The following LRBA variants were observed in gnomAD, a reference collection of about 807,000 sequenced individuals.
The protein encoded by LRBA is lipopolysaccharide-responsive and beige-like anchor protein.
In LRBA, 176 loss-of-function variants were observed where a neutral mutation model predicts 330.0. That is an observed-to-expected ratio of 0.53 (90% confidence interval 0.47 to 0.60). The LOEUF (loss-of-function observed/expected upper bound fraction) is 0.60. LRBA is among the 20% of genes least tolerant of loss of function. The pLI is 0.00. For synonymous variants in LRBA, 1,230 were observed against 1,193.0 expected, an observed-to-expected ratio of 1.03 and a Z score of -0.64; for missense variants, 3,259 against 3,444.8, an observed-to-expected ratio of 0.95 and a Z score of 1.35.
intron 46 of LRBA, among the ~76,000 whole-genome samples, chr4:150,430,575 T>C (rs534870218): frequency 1.3e-5 from 2 of 152,300 alleles, no homozygotes; most frequent in African/African-American, 2.4e-5. Context: ...AAGGCAAGAA[T>C]TGTGTCATAT....
chr4:150,438,586 C>G (rs1751434923), intron 44 of LRBA, among the ~76,000 whole-genome samples: 1 of 151,970 alleles, frequency 6.6e-6, no homozygotes, highest in African/African-American at 2.4e-5. Context: ...GTTAATCACT[C>G]CTTATTTATA....
chr4:150,270,402 G>C (rs1281070526), intron 56 of LRBA, among the ~76,000 whole-genome samples: 3 of 152,288 alleles, frequency 2.0e-5, no homozygotes, highest in Non-Finnish European at 4.4e-5. Context: ...CAAGAACCTT[G>C]AAAGTGTTAT....
intron 34 of LRBA, among the ~76,000 whole-genome samples, chr4:150,778,441 A>T (rs1737725471): frequency 6.6e-6 from 1 of 152,218 alleles, no homozygotes; most frequent in African/African-American, 2.4e-5. Flanking sequence ...CACATTTTTA[A>T]TTATTTGTAA....
chr4:150,900,838 C>A (rs1730639929), intron 13 of LRBA, among the ~76,000 whole-genome samples: 1 of 152,138 alleles, frequency 6.6e-6, no homozygotes, highest in Non-Finnish European at 1.5e-5. Flanking sequence ...ACATGTATAT[C>A]ATGTCCCCCA....
chr4:150,697,335 A>ACAAAC (rs1208353113), intron 36 of LRBA, among the ~76,000 whole-genome samples: 38 of 147,248 alleles, frequency 2.6e-4, no homozygotes, highest in African/African-American at 8.8e-4. Context: ...GAAAAAAAAA[A>ACAAAC]AAAAAAAAAA....
At chr4:150,591,721 T>C (rs919948747) in intron 38 of LRBA, among the ~76,000 whole-genome samples, 3 of 151,972 alleles carry the variant, frequency 2.0e-5, no homozygotes, top group Non-Finnish European at 4.4e-5. Flanking sequence ...TCAGGCACTA[T>C]GACAAGGCAG....
At chr4:150,678,618 T>C (rs1378561542) in intron 37 of LRBA, among the ~76,000 whole-genome samples, 1 of 152,192 alleles carries the variant, frequency 6.6e-6, no homozygotes, top group African/African-American at 2.4e-5. Context: ...TAGCTATTGA[T>C]TTTTTCCCTC....
intron 48 of LRBA, among the ~76,000 whole-genome samples, chr4:150,340,944 G>A (rs990621305): frequency 7.2e-5 from 11 of 152,080 alleles, no homozygotes; most frequent in African/African-American, 2.4e-4. Context: ...TTCTATGTTT[G>A]ATGTGAAATA....
At chr4:150,639,793 A>G (rs1215489403) in intron 37 of LRBA, among the ~76,000 whole-genome samples, 1 of 11,106 alleles carries the variant, frequency 9.0e-5, no homozygotes, top group South Asian at 3.8e-3. Context: ...GTGTGTGTGT[A>G]TATATATATA....
chr4:150,691,659 A>C (rs1277354041), intron 36 of LRBA, among the ~76,000 whole-genome samples: 2 of 152,206 alleles, frequency 1.3e-5, no homozygotes, highest in Non-Finnish European at 2.9e-5. Context: ...GTAAGCTTAA[A>C]CATATACTTA....
chr4:150,795,344 G>A (rs1740633747), intron 34 of LRBA, among the ~76,000 whole-genome samples: 2 of 151,996 alleles, frequency 1.3e-5, no homozygotes, highest in Admixed American at 1.3e-4. Flanking sequence ...TAAGTTGCAT[G>A]TTTGTGAAAA....
chr4:150,803,105 C>T (rs1037006658), intron 33 of LRBA, among the ~76,000 whole-genome samples: 1 of 142,278 alleles, frequency 7.0e-6, no homozygotes, highest in Non-Finnish European at 1.5e-5. Context: ...CACACACACA[C>T]ACACATATAT....
intron 46 of LRBA, among the ~76,000 whole-genome samples, chr4:150,429,570 T>C (rs556881008): frequency 2.0e-5 from 3 of 152,166 alleles, no homozygotes; most frequent in Admixed American, 2.0e-4. Flanking sequence ...CATGTTAAAT[T>C]TAAGATACAG....
At chr4:150,694,829 T>C (rs1321397635) in intron 36 of LRBA, among the ~76,000 whole-genome samples, 1 of 152,188 alleles carries the variant, frequency 6.6e-6, no homozygotes, top group Non-Finnish European at 1.5e-5. Context: ...CCTCAGACAA[T>C]ATTTTTAAAT....
At chr4:150,380,363 T>C (rs1299870783) in intron 47 of LRBA, among the ~76,000 whole-genome samples, 1 of 152,170 alleles carries the variant, frequency 6.6e-6, no homozygotes, top group Non-Finnish European at 1.5e-5. Flanking sequence ...TTCCCCACTA[T>C]CATTTTCCTC....
chr4:151,012,709 A>ATG (rs983969404), intron 2 of LRBA: 1 of 152,078 alleles, frequency 6.6e-6, no homozygotes, highest in African/African-American at 2.4e-5. Flanking sequence ...TAAAATATGC[A>ATG]TGTGTGTGTC....
intron 47 of LRBA, among the ~76,000 whole-genome samples, chr4:150,411,535 T>C (rs1453180290): frequency 6.6e-6 from 1 of 152,216 alleles, no homozygotes; most frequent in Non-Finnish European, 1.5e-5. Context: ...ATAGATCATC[T>C]GTTCTTGGTG....
chr4:150,497,602 T>C (rs1169523312), intron 40 of LRBA, among the ~76,000 whole-genome samples: 1 of 152,206 alleles, frequency 6.6e-6, no homozygotes, highest in African/African-American at 2.4e-5. Context: ...TCATAGCATT[T>C]CATGGGTGAC....
At chr4:150,972,614 G>A (rs574011652) in intron 2 of LRBA, among the ~76,000 whole-genome samples, 19 of 152,078 alleles carry the variant, frequency 1.2e-4, no homozygotes, top group Non-Finnish European at 2.6e-4. Flanking sequence ...CTTAAAAAAC[G>A]TATTTCACAT....
Sources: gnomAD v4.1 joint callset for allele counts (sites outside exome capture counted in the v4.1 genomes callset) on GRCh38, gnomAD v4.1.1 for gene constraint, MANE v1.5 for transcripts, NCBI Gene and HGNC (gene_info 2026-07-23, HGNC 2026-07-21) for gene names.